The following VAV3 variants were observed in gnomAD, a reference collection of about 807,000 sequenced individuals.
VAV3 encodes vav guanine nucleotide exchange factor 3.
In VAV3, 94 loss-of-function variants were observed where a neutral mutation model predicts 131.2. The ratio of observed to expected loss-of-function variants is 0.72; its 90% confidence interval spans 0.61 to 0.85. The LOEUF (loss-of-function observed/expected upper bound fraction) is 0.85. Among genes scored for constraint, VAV3 ranks in the 40% least tolerant of loss-of-function variants. The pLI is 0.00. For missense variants in VAV3, 939 were observed against 1,002.7 expected (o/e 0.94, Z 0.86); for synonymous variants, 349 against 342.0 (o/e 1.02, Z -0.22).
intron 2 of VAV3, among the ~76,000 whole-genome samples, chr1:107,865,585 A>G (rs1669946634): frequency 6.6e-6 from 1 of 152,192 alleles, no homozygotes; most frequent in Non-Finnish European, 1.5e-5. Context: ...GTGAGAAATA[A>G]GGTTAGAAAG....
intron 2 of VAV3, among the ~76,000 whole-genome samples, chr1:107,784,579 G>A (rs1302383828): frequency 6.6e-6 from 1 of 152,114 alleles, no homozygotes; most frequent in African/African-American, 2.4e-5. Flanking sequence ...CATAAATTTA[G>A]ACACCCCTGA....
At chr1:107,954,423 G>C (rs539023300) in intron 1 of VAV3, among the ~76,000 whole-genome samples, 1 of 151,862 alleles carries the variant, frequency 6.6e-6, no homozygotes, top group Non-Finnish European at 1.5e-5. Context: ...TAGTTTTCCT[G>C]ATTTCCTTTC....
In VAV3 at chr1:107,717,416, C is replaced by G. The variant is rs558484215; in HGVS notation, c.1503-12355G>C. 1.4e-4 allele frequency among the ~76,000 whole-genome samples: 22 copies of G among 152,226 alleles called. No homozygotes were observed. In the East Asian group the frequency reaches 3.5e-3, roughly 24 times the overall value. ...CTCTATACACTGCTTTAAATGTGTC[C>G]CAGAGATTCTGGTACGTTGTGTCTT... On this transcript the variant is annotated intron_variant, in intron 15 of 26. Transcript: ENST00000370056.
intron 2 of VAV3, among the ~76,000 whole-genome samples, chr1:107,827,352 G>C (rs958640094): frequency 2.0e-5 from 3 of 152,120 alleles, no homozygotes; most frequent in Admixed American, 2.0e-4. Flanking sequence ...TGAGGTCACT[G>C]TTCCTTGTAC....
At chr1:107,783,777 G>A (rs904196839) in intron 2 of VAV3, among the ~76,000 whole-genome samples, 1 of 152,018 alleles carries the variant, frequency 6.6e-6, no homozygotes, top group African/African-American at 2.4e-5. Flanking sequence ...GGCCAGGCCT[G>A]GTGGCTCACG....
intron 15 of VAV3, among the ~76,000 whole-genome samples, chr1:107,721,061 G>A (rs551767714): frequency 4.9e-4 from 74 of 152,322 alleles, no homozygotes; most frequent in African/African-American, 1.7e-3. Flanking sequence ...CTTGATATGG[G>A]TGAACAGATT....
chr1:107,804,956 T>G (rs1666994610), intron 2 of VAV3, among the ~76,000 whole-genome samples: 1 of 148,142 alleles, frequency 6.8e-6, no homozygotes, highest in Admixed American at 6.7e-5. Context: ...AGGGGTGGGG[T>G]GGGGGTTGGG....
chr1:107,798,530 A>G (rs1180889896), intron 2 of VAV3, among the ~76,000 whole-genome samples: 1 of 151,900 alleles, frequency 6.6e-6, no homozygotes, highest in African/African-American at 2.4e-5. Context: ...CATTCTGGCT[A>G]ACACAGTGTA....
chr1:107,713,579 A>G (rs1660914807), intron 15 of VAV3, among the ~76,000 whole-genome samples: 1 of 152,198 alleles, frequency 6.6e-6, no homozygotes, highest in Non-Finnish European at 1.5e-5. Context: ...CAATCAAAAG[A>G]AATGTACATT....
At chr1:107,911,089 C>T (rs1405278720) in intron 1 of VAV3, among the ~76,000 whole-genome samples, 1 of 152,108 alleles carries the variant, frequency 6.6e-6, no homozygotes, top group Non-Finnish European at 1.5e-5. Flanking sequence ...TGCTTATTAT[C>T]CTAAAAATAA....
intron 2 of VAV3, among the ~76,000 whole-genome samples, chr1:107,869,311 A>G (rs747179317): frequency 3.7e-4 from 57 of 152,208 alleles, no homozygotes; most frequent in Admixed American, 8.5e-4. Context: ...AACATTAGAA[A>G]GAATGAATTT....
chr1:107,711,721 T>G (rs1660793101), intron 15 of VAV3, among the ~76,000 whole-genome samples: 2 of 152,198 alleles, frequency 1.3e-5, no homozygotes, highest in South Asian at 4.1e-4. Context: ...CTTTTTTTTT[T>G]GAAACAGAGT....
intron 2 of VAV3, among the ~76,000 whole-genome samples, chr1:107,826,770 A>T (rs888648092): frequency 7.9e-5 from 12 of 152,190 alleles, no homozygotes; most frequent in Non-Finnish European, 1.8e-4. Context: ...TCCTGTCTGC[A>T]GTAATCAAAT....
intron 21 of VAV3, among the ~76,000 whole-genome samples, chr1:107,614,456 C>T (rs1349095353): frequency 6.6e-6 from 1 of 151,628 alleles, no homozygotes; most frequent in Non-Finnish European, 1.5e-5. Flanking sequence ...CTCTATTTAT[C>T]TTCACTTAAC....
chr1:107,824,190 G>C (rs1667914098), intron 2 of VAV3, among the ~76,000 whole-genome samples: 1 of 152,176 alleles, frequency 6.6e-6, no homozygotes. Flanking sequence ...TAATTGTAAT[G>C]TGGTGATGGG....
intron 25 of VAV3, among the ~76,000 whole-genome samples, chr1:107,582,477 A>G (rs1413874807): frequency 1.3e-5 from 2 of 151,818 alleles, no homozygotes; most frequent in African/African-American, 4.8e-5. Flanking sequence ...TTAGTTACAT[A>G]TGTATACATG....
intron 2 of VAV3, among the ~76,000 whole-genome samples, chr1:107,817,718 C>G (rs1015594618): frequency 5.3e-5 from 8 of 151,968 alleles, no homozygotes; most frequent in African/African-American, 1.9e-4. Context: ...ATGTGGCTGG[C>G]AGAGCATGAG....
chr1:107,680,993 A>G (rs1283337538), intron 19 of VAV3, among the ~76,000 whole-genome samples: 1 of 152,190 alleles, frequency 6.6e-6, no homozygotes, highest in Non-Finnish European at 1.5e-5. Context: ...ATCACTTATT[A>G]ATTCATGTAG....
intron 2 of VAV3, among the ~76,000 whole-genome samples, chr1:107,822,657 A>T (rs528927976): frequency 2.1e-5 from 3 of 141,632 alleles, no homozygotes; most frequent in South Asian, 2.2e-4. Context: ...CATCTCAAAA[A>T]AAATAAATAA....
Sources: allele counts gnomAD v4.1 joint callset (sites outside exome capture counted in the v4.1 genomes callset), GRCh38; gene constraint gnomAD v4.1.1; transcripts MANE v1.5; gene names NCBI Gene and HGNC (gene_info 2026-07-23, HGNC 2026-07-21).